The following RUFY3 variants were observed in gnomAD, a reference collection of about 807,000 sequenced individuals.
RUFY3 encodes the protein protein RUFY3.
In RUFY3, 34 loss-of-function variants were observed where a neutral mutation model predicts 84.0. The observed-to-expected ratio is 0.40, with a 90% confidence interval of 0.31 to 0.54. RUFY3 has a LOEUF of 0.54. Among genes scored for constraint, RUFY3 ranks in the 20% least tolerant of loss-of-function variants. The pLI, the probability that RUFY3 is intolerant of heterozygous loss-of-function variation, is 0.39. For missense variants in RUFY3, 507 were observed against 736.8 expected (o/e 0.69, Z 3.61); for synonymous variants, 242 against 252.9 (o/e 0.96, Z 0.41).
chr4:70,793,439 T>A (rs1467481142), intron 12 of RUFY3: 1 of 1,058,838 alleles, frequency 9.4e-7, no homozygotes, highest in African/African-American at 1.7e-5. Flanking sequence ...TGGATTTAAC[T>A]TAAATTACTG....
intron 10 of RUFY3, among the ~76,000 whole-genome samples, chr4:70,786,316 TC>T (rs1489835828): frequency 6.6e-6 from 1 of 152,114 alleles, no homozygotes; most frequent in Non-Finnish European, 1.5e-5. Context: ...TAAGTTCTGG[TC>T]CTCTGTTGCA....
chr4:70,788,267 A>G (rs1182209907), intron 10 of RUFY3, among the ~76,000 whole-genome samples: 2 of 150,288 alleles, frequency 1.3e-5, no homozygotes, highest in Non-Finnish European at 2.9e-5. Context: ...CCTGAGCGAC[A>G]GAGCGAGACT....
chr4:70,705,328 G>A, intron 1 of RUFY3: 2 of 1,315,982 alleles, frequency 1.5e-6, no homozygotes, highest in South Asian at 1.9e-5. Context: ...ACGCCCGCGG[G>A]GAAGGGAGCA....
chr4:70,792,693 C>A lies in RUFY3; in HGVS notation c.1338-1092C>A, dbSNP rs554334932. 14 of 947,196 alleles carry A rather than the reference C, an allele frequency of 1.5e-5. No homozygotes were observed. The African/African-American group carries it at 2.3e-4, about 16-fold the overall frequency. The allele number at this position is 947,196 out of a possible 1,614,324, so 58.7% of individuals were successfully genotyped here. A position where few individuals can be genotyped will look rare whatever the true frequency, so the allele number is the denominator to read the frequency against. On this transcript the variant is annotated intron_variant, in intron 12 of 17. Coordinates refer to ENST00000381006, the MANE Select transcript of RUFY3 (RefSeq NM_001037442.4). ...GCTTCCAGCTCTTAAAATTCTTTAT[C>A]TTTTTCTTGGCAAAACCAGAATTAA...
intron 3 of RUFY3, 106 bp from the exon 4 acceptor site, chr4:70,764,369 C>G (rs1725492525): frequency 2.6e-6 from 2 of 769,986 alleles, no homozygotes; most frequent in Non-Finnish European, 2.2e-6. Flanking sequence ...CCTCAGTGTG[C>G]TTGTTACACT....
chr4:70,784,449 G>T (rs992597857), intron 9 of RUFY3, among the ~76,000 whole-genome samples: 3 of 151,834 alleles, frequency 2.0e-5, no homozygotes, highest in Non-Finnish European at 2.9e-5. Context: ...AGCCACTGCA[G>T]TCCAGCCTGG....
Position 70,807,956 on chromosome 4 carries a change from T to A in RUFY3, c.*1297T>A, listed in dbSNP as rs933292537. 1.3e-5 allele frequency among the ~76,000 whole-genome samples: 2 copies of A among 152,184 alleles called. No individual in the cohort carries two copies. The highest frequency in any genetic ancestry group is 4.8e-5 in the African/African-American group (2 of 41,432). ...TCATCCCTTGGTATCCATGGGGGAT[T>A]GGTTCCAGGAACCCAACTTGATATC... On this transcript the variant is annotated 3_prime_UTR_variant, in exon 18 of 18. Coordinates refer to ENST00000381006, the MANE Select transcript of RUFY3 (RefSeq NM_001037442.4).
At chr4:70,743,783 T>C (rs1164802417) in intron 1 of RUFY3, among the ~76,000 whole-genome samples, 1 of 152,064 alleles carries the variant, frequency 6.6e-6, no homozygotes, top group Admixed American at 6.6e-5. Context: ...AGAAAAGTCT[T>C]TCTGAAAAGT....
intron 1 of RUFY3, among the ~76,000 whole-genome samples, chr4:70,735,159 G>A (rs748596886): frequency 3.3e-5 from 5 of 152,172 alleles, no homozygotes; most frequent in South Asian, 2.1e-4. Flanking sequence ...AAGTGCTGTC[G>A]TCTGAGAACA....
At chr4:70,791,208 A>AT (rs1337272184) in intron 12 of RUFY3, 1 of 1,605,460 alleles carries the variant, frequency 6.2e-7, no homozygotes. Flanking sequence ...CTTCATTGTC[A>AT]TTTTTATTTT....
At chr4:70,770,117 C>T (rs1310368588) in intron 5 of RUFY3, among the ~76,000 whole-genome samples, 1 of 152,158 alleles carries the variant, frequency 6.6e-6, no homozygotes, top group African/African-American at 2.4e-5. Flanking sequence ...CCACCATGCC[C>T]AGCCCACTAT....
chr4:70,804,436 G>T lies in RUFY3; in HGVS notation c.1719+20G>T. On this transcript the variant is annotated intron_variant, in intron 17 of 17. Coordinates refer to ENST00000381006, the MANE Select transcript of RUFY3 (RefSeq NM_001037442.4). Reference sequence around the variant, plus strand: ...ACAAAGGTAACTGTGATGAGAAACGGACAGGCTTTTCATAGGGATGTCTAC... The same window carrying T: ...ACAAAGGTAACTGTGATGAGAAACGTACAGGCTTTTCATAGGGATGTCTAC... 1 of 1,608,564 alleles carries T rather than the reference G, an allele frequency of 6.2e-7. No homozygotes were observed. Among genetic ancestry groups the T allele is most frequent in the South Asian group, 1.1e-5 (1 of 90,866 alleles).
At chr4:70,791,586 TA>T in intron 12 of RUFY3, 4 of 1,210,754 alleles carry the variant, frequency 3.3e-6, no homozygotes, top group Middle Eastern at 3.5e-4. Context: ...CCACTTTCTT[TA>T]AAAAAGCCTA....
chr4:70,778,818 G>A (rs1345324978), intron 8 of RUFY3, among the ~76,000 whole-genome samples: 1 of 152,046 alleles, frequency 6.6e-6, no homozygotes, highest in East Asian at 1.9e-4. Context: ...GACCTCAGGT[G>A]ATCCACCCGC....
chr4:70,806,241 A>G (rs181794218), intron 17 of RUFY3, among the ~76,000 whole-genome samples: 3 of 152,338 alleles, frequency 2.0e-5, no homozygotes, highest in East Asian at 3.9e-4. Flanking sequence ...TATGGGGAAC[A>G]GATGTGTGAA....
At chr4:70,715,743 A>C (rs1320362150) in intron 1 of RUFY3, among the ~76,000 whole-genome samples, 1 of 152,190 alleles carries the variant, frequency 6.6e-6, no homozygotes, top group Non-Finnish European at 1.5e-5. Context: ...TAGTTGCACA[A>C]CTTGACAAAT....
chr4:70,786,174 A>G (rs1729773308), intron 10 of RUFY3, among the ~76,000 whole-genome samples: 1 of 152,226 alleles, frequency 6.6e-6, no homozygotes, highest in African/African-American at 2.4e-5. Context: ...CCATATGATA[A>G]CACTCATACG....
At chr4:70,761,228 CAGG>C (rs1255555123) in intron 1 of RUFY3, among the ~76,000 whole-genome samples, 1 of 152,164 alleles carries the variant, frequency 6.6e-6, no homozygotes, top group Admixed American at 6.5e-5. Context: ...ACGTCAGATC[CAGG>C]TCCAGATTCT....
At chr4:70,781,084 CAA>C (rs35495444) in intron 8 of RUFY3, among the ~76,000 whole-genome samples, 20 of 111,952 alleles carry the variant, frequency 1.8e-4, no homozygotes, top group Admixed American at 2.8e-4. Context: ...CCCCATCTCA[CAA>C]AAAAAAAAAA....
Sources: gnomAD v4.1 joint callset for allele counts (sites outside exome capture counted in the v4.1 genomes callset) on GRCh38, gnomAD v4.1.1 for gene constraint, MANE v1.5 for transcripts, NCBI Gene and HGNC (gene_info 2026-07-23, HGNC 2026-07-21) for gene names.